KAZN: variants seen among roughly 807,000 people sequenced by gnomAD.
KAZN encodes kazrin.
A neutral mutation model predicts 87.4 loss-of-function variants in KAZN; 40 were observed. The ratio of observed to expected loss-of-function variants is 0.46; its 90% CI spans 0.36 to 0.60. The LOEUF (loss-of-function observed/expected upper bound fraction) is 0.60. Among genes scored for constraint, KAZN ranks in the 20% least tolerant of loss-of-function variants. The probability of loss-of-function intolerance (pLI) is 0.00; values close to 1 mark genes in which losing one functional copy is unlikely to be tolerated. For synonymous variants in KAZN, 466 were observed against 458.3 expected (o/e 1.02, Z -0.22); for missense variants, 898 against 1,073.9 (o/e 0.84, Z 2.29).
intron 1 of KAZN, among the ~76,000 whole-genome samples, chr1:14,664,477 T>C (rs904555654): frequency 1.3e-5 from 2 of 152,096 alleles, no homozygotes; most frequent in African/African-American, 4.8e-5. Flanking sequence ...CATGTTGATA[T>C]TGGTTTGACC....
intron 2 of KAZN, among the ~76,000 whole-genome samples, chr1:14,978,853 G>A (rs1485662574): frequency 6.6e-6 from 1 of 152,142 alleles, no homozygotes; most frequent in Non-Finnish European, 1.5e-5. Flanking sequence ...AAACGGGGAA[G>A]ACAGTGAATA....
At chr1:14,387,460 T>C (rs1449447448) in intron 2 of KAZN, among the ~76,000 whole-genome samples, 2 of 152,160 alleles carry the variant, frequency 1.3e-5, no homozygotes, top group Non-Finnish European at 2.9e-5. Context: ...ACTTTTGGTC[T>C]TTGATGATGG....
intron 1 of KAZN, among the ~76,000 whole-genome samples, chr1:14,139,770 A>G (rs1645191508): frequency 6.6e-6 from 1 of 152,260 alleles, no homozygotes; most frequent in South Asian, 2.1e-4. Context: ...CCTATTTGGC[A>G]TCAGCCATGC....
At chr1:14,083,986 C>CACTTAATGTGT (rs1004383239) in intron 1 of KAZN, among the ~76,000 whole-genome samples, 4 of 152,178 alleles carry the variant, frequency 2.6e-5, no homozygotes, top group Non-Finnish European at 4.4e-5. Flanking sequence ...AGCAGACAGA[C>CACTTAATGTGT]GTTAATCAAA....
In KAZN at chr1:15,099,137, G is replaced by A. The variant is rs910859731; in HGVS notation, c.1548-2406G>A. ...AGAGGGTGGGGTAGAGGACAGGCCC[G>A]GAGACAAGGGGGTCCCAGTGGACCC... On this transcript the variant is annotated intron_variant, in intron 10 of 14. Transcript: ENST00000376030. This position sits in a 1 kb window ranked among gnomAD's most constrained non-coding sequence, Gnocchi z 5.4. Among the ~76,000 whole-genome samples, 3 of 152,124 alleles carry A rather than the reference G, an allele frequency of 2.0e-5. No homozygotes were observed. Among genetic ancestry groups the A allele is most frequent in the Non-Finnish European group, 2.9e-5 (2 of 68,018 alleles).
chr1:14,744,487 G>A (rs1403723888), intron 1 of KAZN, among the ~76,000 whole-genome samples: 1 of 152,110 alleles, frequency 6.6e-6, no homozygotes, highest in African/African-American at 2.4e-5. Context: ...CCAGCAATTT[G>A]GGAGGCTGAG....
intron 2 of KAZN, among the ~76,000 whole-genome samples, chr1:14,507,979 A>AAT (rs56897136): frequency 0.54 from 72,965 of 135,648 alleles, 18,142 homozygotes; most frequent in South Asian, 0.67. Flanking sequence ...AAAAATAAAT[A>AAT]AAAAAAAAAA....
At chr1:14,473,628 ACT>A (rs1668568296) in intron 2 of KAZN, among the ~76,000 whole-genome samples, 1 of 143,488 alleles carries the variant, frequency 7.0e-6, no homozygotes, top group East Asian at 2.0e-4. Context: ...ACAGAGAGAG[ACT>A]CTGTCTCAAA....
intron 1 of KAZN, among the ~76,000 whole-genome samples, chr1:14,869,939 C>A (rs1166573350): frequency 6.6e-6 from 1 of 152,184 alleles, no homozygotes; most frequent in Non-Finnish European, 1.5e-5. Context: ...CCACCCAACA[C>A]CCACCCCGGC....
chr1:14,080,514 C>T (rs1413148650), intron 1 of KAZN, among the ~76,000 whole-genome samples: 1 of 150,480 alleles, frequency 6.6e-6, no homozygotes, highest in African/African-American at 2.4e-5. Flanking sequence ...GTATTTGTTG[C>T]TTCTTAGTTG....
chr1:13,901,675 T>C (rs1196641731), intron 1 of KAZN, among the ~76,000 whole-genome samples: 1 of 152,252 alleles, frequency 6.6e-6, no homozygotes, highest in East Asian at 1.9e-4. Context: ...GCTAGCAGGC[T>C]TCCCATGCCA....
intron 1 of KAZN, among the ~76,000 whole-genome samples, chr1:14,829,816 A>G (rs572745758): frequency 1.3e-5 from 2 of 152,362 alleles, no homozygotes; most frequent in Non-Finnish European, 2.9e-5. Flanking sequence ...GACACTGGAT[A>G]GTGAAGGACC....
At chr1:14,391,527 C>T (rs1399424934) in intron 2 of KAZN, 2 of 152,356 alleles carry the variant, frequency 1.3e-5, no homozygotes, top group African/African-American at 4.8e-5. Flanking sequence ...TGGCTACTTG[C>T]TCCTTCTCTC....
intron 1 of KAZN, among the ~76,000 whole-genome samples, chr1:13,894,194 C>G (rs1638947112): frequency 6.6e-6 from 1 of 152,196 alleles, no homozygotes; most frequent in Non-Finnish European, 1.5e-5. Context: ...CCCCCAGCCC[C>G]TGCTGGAGTA....
At chr1:14,530,952 A>C (rs1672176690) in intron 2 of KAZN, among the ~76,000 whole-genome samples, 1 of 152,100 alleles carries the variant, frequency 6.6e-6, no homozygotes, top group African/African-American at 2.4e-5. Context: ...GTGCACCTGT[A>C]GCCCCAGCTA....
intron 1 of KAZN, among the ~76,000 whole-genome samples, chr1:14,855,114 G>A (rs559021369): frequency 1.3e-5 from 2 of 152,272 alleles, no homozygotes; most frequent in East Asian, 3.9e-4. Context: ...GAGACGACGG[G>A]AGTCTAGGAA....
chr1:14,382,681 G>A (rs1399523343), intron 2 of KAZN, among the ~76,000 whole-genome samples: 210 of 146,752 alleles, frequency 1.4e-3, no homozygotes, highest in African/African-American at 4.7e-3. Flanking sequence ...GTATTCCATG[G>A]TGTATATGTG....
chr1:14,178,722 TG>T (rs750707467), intron 1 of KAZN, among the ~76,000 whole-genome samples: 1 of 152,348 alleles, frequency 6.6e-6, no homozygotes, highest in East Asian at 1.9e-4. Flanking sequence ...CTTGCTTTTT[TG>T]TATGTCTGGT....
chr1:14,076,700 A>C (rs183634792), intron 1 of KAZN, among the ~76,000 whole-genome samples: 1 of 152,184 alleles, frequency 6.6e-6, no homozygotes, highest in African/African-American at 2.4e-5. Flanking sequence ...GGCTGCTTTC[A>C]CCTGACCCCG....
Sources: allele counts gnomAD v4.1 joint callset (sites outside exome capture counted in the v4.1 genomes callset), GRCh38; gene constraint gnomAD v4.1.1; non-coding constraint Gnocchi (gnomAD v3.1); transcripts MANE v1.5; gene names NCBI Gene and HGNC (gene_info 2026-07-23, HGNC 2026-07-21).